Variants in FZD3 observed in about 807,000 individuals in gnomAD.
The protein encoded by FZD3 is frizzled class receptor 3.
A neutral mutation model predicts 60.7 loss-of-function variants in FZD3; 30 were observed. The ratio of observed to expected loss-of-function variants is 0.49; its 90% CI spans 0.37 to 0.67. The LOEUF is 0.67. Ranked by LOEUF, FZD3 falls within the 30% of genes least tolerant of loss-of-function variation. The pLI is 0.00. For missense variants in FZD3, 605 were observed against 838.7 expected (o/e 0.72, Z 3.44); for synonymous variants, 246 against 275.2 (o/e 0.89, Z 1.05).
chr8:28,525,713 C>A (rs28600858), intron 4 of FZD3, among the ~76,000 whole-genome samples: 1 of 152,046 alleles, frequency 6.6e-6, no homozygotes. Flanking sequence ...GAGGCATGAT[C>A]GTGAACACAG....
At position 28,572,775 on chromosome 8, in the gene FZD3, A is replaced by C. The variant is rs1458520420; in HGVS notation, c.*9764A>C. 2 of 152,146 alleles carry C rather than the reference A, an allele frequency of 1.3e-5. No homozygotes were observed. Among genetic ancestry groups the C allele is most frequent in the African/African-American group, 2.4e-5 (1 of 41,438 alleles). The allele number at this position is 152,146 out of a possible 1,614,324, so 9.4% of individuals were successfully genotyped here. On this transcript the variant is annotated 3_prime_UTR_variant, in exon 8 of 8. Transcript: ENST00000240093. ...GTAAACAAATTTGCCATAAAATGCC[A>C]TTTAAGGATTTTCTTTTTACCTTTA... is the stretch of plus-strand genomic sequence containing the variant.
At chr8:28,514,303 A>G (rs912349442) in intron 3 of FZD3, among the ~76,000 whole-genome samples, 64 of 116,432 alleles carry the variant, frequency 5.5e-4, no homozygotes, top group African/African-American at 2.1e-3. Context: ...GCTGAGGTCA[A>G]AAATTGTTAA....
In FZD3 at chr8:28,549,686, G is replaced by C. The variant is rs1252401696; in HGVS notation, c.1405-1917G>C. 2.0e-5 allele frequency among the ~76,000 whole-genome samples: 3 copies of C among 152,194 alleles called. No individual in the cohort carries two copies. The East Asian group carries it at 5.8e-4, about 29-fold the overall frequency. On this transcript the variant is annotated intron_variant, in intron 5 of 7. Transcript: ENST00000240093. ...TAGTGGCTTTTGGTGTTTCCATTAA[G>C]CATGATGTTTGCTTTTGGATTGAGA...
At chr8:28,549,060 G>A (rs1805356078) in intron 5 of FZD3, among the ~76,000 whole-genome samples, 1 of 152,216 alleles carries the variant, frequency 6.6e-6, no homozygotes, top group Non-Finnish European at 1.5e-5. Flanking sequence ...CCAGGATGAA[G>A]GTGCTGGCAG....
chr8:28,554,013 G>T (rs773795487), intron 6 of FZD3, among the ~76,000 whole-genome samples: 7 of 152,228 alleles, frequency 4.6e-5, no homozygotes, highest in Non-Finnish European at 1.0e-4. Context: ...AGCCCAGTCT[G>T]ACTCCAGAGC....
intron 7 of FZD3, among the ~76,000 whole-genome samples, chr8:28,556,977 G>A (rs777141470): frequency 6.6e-6 from 1 of 152,164 alleles, no homozygotes; most frequent in African/African-American, 2.4e-5. Flanking sequence ...TCTTTTGAGA[G>A]ATGATAAAGG....
intron 7 of FZD3, among the ~76,000 whole-genome samples, chr8:28,560,001 G>C (rs1394262910): frequency 6.6e-6 from 1 of 152,222 alleles, no homozygotes; most frequent in Non-Finnish European, 1.5e-5. Context: ...ATGAGAGGGT[G>C]AGTGAAAAAG....
chr8:28,496,874 A>T (rs1803858465), intron 1 of FZD3, among the ~76,000 whole-genome samples: 2 of 152,296 alleles, frequency 1.3e-5, no homozygotes, highest in South Asian at 4.1e-4. Flanking sequence ...CTGTAGTCAA[A>T]GCATGCAAAC....
chr8:28,568,229 A>G lies in FZD3; in HGVS notation c.*5218A>G, dbSNP rs1347245067. On this transcript the variant is annotated 3_prime_UTR_variant, in exon 8 of 8. Transcript: ENST00000240093. Reference sequence around the variant, plus strand: ...TGTCGTTTTACAGCTGATTAAGAAAAAATGTTTACATTTAATTCAGCTGTA... The same window carrying G: ...TGTCGTTTTACAGCTGATTAAGAAAGAATGTTTACATTTAATTCAGCTGTA... 1.3e-5 allele frequency: 2 copies of G among 152,182 alleles called. No individual in the cohort carries two copies. Among genetic ancestry groups the G allele is most frequent in the African/African-American group, 2.4e-5 (1 of 41,474 alleles). 9.4% of individuals were successfully genotyped at this position (152,182 alleles called of 1,614,324 possible).
intron 4 of FZD3, among the ~76,000 whole-genome samples, chr8:28,523,347 G>A (rs1804634665): frequency 6.6e-6 from 1 of 152,120 alleles, no homozygotes; most frequent in Non-Finnish European, 1.5e-5. Flanking sequence ...GTTTCCCCAT[G>A]TGGCAGGATA....
At chr8:28,498,654 C>T (rs6558067) in intron 1 of FZD3, among the ~76,000 whole-genome samples, 92,341 of 152,064 alleles carry the variant, frequency 0.61, 28,298 homozygotes, top group African/African-American at 0.65. Flanking sequence ...CTCCACTCAC[C>T]GCAACCTCCA....
intron 7 of FZD3, among the ~76,000 whole-genome samples, chr8:28,557,568 C>A (rs1171926857): frequency 2.0e-5 from 3 of 152,186 alleles, no homozygotes; most frequent in African/African-American, 7.2e-5. Flanking sequence ...AGCAGTCTTT[C>A]TTTGTGCTGA....
intron 7 of FZD3, among the ~76,000 whole-genome samples, chr8:28,557,395 CT>C (rs147982950): frequency 0.018 from 2,787 of 152,078 alleles, 101 homozygotes; most frequent in African/African-American, 0.063. Context: ...TTGAAAACAT[CT>C]GTTTCCACAG....
At position 28,567,859 on chromosome 8, in the gene FZD3, ATGAAAT is replaced by A. The variant is rs1476104429; in HGVS notation, c.*4851_*4856del. On this transcript the variant is annotated 3_prime_UTR_variant, in exon 8 of 8. Coordinates refer to ENST00000240093, the MANE Select transcript of FZD3 (RefSeq NM_017412.4). The stretch of plus-strand genomic sequence containing the variant: ...ATATTCATTTTATTTTTCCTTTTAT[ATGAAAT>A]TGTATAAGTACATTAGCTTGACTTA... 6.6e-6 allele frequency: 1 copy of A among 152,132 alleles called. No individual in the cohort carries two copies. The highest frequency in any genetic ancestry group is 1.5e-5 in the Non-Finnish European group (1 of 67,990). 9.4% of individuals were successfully genotyped at this position (152,132 alleles called of 1,614,324 possible).
chr8:28,546,802 C>T (rs1011329201), intron 5 of FZD3, among the ~76,000 whole-genome samples: 2 of 151,918 alleles, frequency 1.3e-5, no homozygotes, highest in Admixed American at 6.6e-5. Flanking sequence ...AGTGAAACCC[C>T]GTCTCTACTA....
rs1006291468 is a variant in FZD3, at chr8:28,494,640, G to T, written c.-391+297G>T. Among the ~76,000 whole-genome samples, 11 of 152,136 alleles carry T rather than the reference G, an allele frequency of 7.2e-5. No individual in the cohort carries two copies. In the South Asian group the frequency reaches 1.2e-3, roughly 17 times the overall value. On this transcript the variant is annotated intron_variant, in intron 1 of 7. Coordinates refer to ENST00000240093, the MANE Select transcript of FZD3 (RefSeq NM_017412.4). ...TGGGGGCTGAGGGCTGAGGGCTAAGGGGGGAGCTGCCCCGGGAGACTGTTA... is the reference window on the plus strand; with the variant it reads ...TGGGGGCTGAGGGCTGAGGGCTAAGTGGGGAGCTGCCCCGGGAGACTGTTA...
In FZD3 at chr8:28,503,020, A is replaced by G. The variant is rs183047249; in HGVS notation, c.7A>G (p.Met3Val). The change falls in exon 3 of 8, where the codon ATG becomes GTG. Residue 3 changes from methionine (M) to valine (V), a missense_variant. Met to Val is a conservative substitution (Grantham distance 21). Transcript: ENST00000240093. ...TCCTTCAGACCCAGGAAGGATGGCT[A>G]TGACTTGGATTGTCTTCTCTCTTTG... MA[M>V]TWIVFSLWPL... The G allele has an allele frequency of 2.4e-5, 39 of 1,611,782 alleles. No homozygotes were observed. The highest frequency in any genetic ancestry group is 3.3e-5 in the Admixed American group (2 of 59,928).
intron 3 of FZD3, among the ~76,000 whole-genome samples, chr8:28,512,419 C>A (rs779133903): frequency 1.3e-5 from 2 of 151,642 alleles, no homozygotes; most frequent in Non-Finnish European, 2.9e-5. Flanking sequence ...AGTGAGTGAT[C>A]GGGTGGAATT....
At chr8:28,544,953 C>A (rs925137021) in intron 5 of FZD3, among the ~76,000 whole-genome samples, 5 of 152,268 alleles carry the variant, frequency 3.3e-5, no homozygotes, top group Admixed American at 2.0e-4. Flanking sequence ...CGTTACGTAG[C>A]GAGAGGGCTC....
Sources: allele counts gnomAD v4.1 joint callset (sites outside exome capture counted in the v4.1 genomes callset), GRCh38; gene constraint gnomAD v4.1.1; transcripts MANE v1.5; gene names NCBI Gene and HGNC (gene_info 2026-07-23, HGNC 2026-07-21).